IL1RAPL1: variants seen among roughly 807,000 people sequenced by gnomAD.
IL1RAPL1 encodes interleukin-1 receptor accessory protein-like 1.
IL1RAPL1 carries 3 observed loss-of-function variants against 48.4 expected under a neutral mutation model. That is an observed-to-expected ratio of 0.06 (90% CI 0.03 to 0.16). IL1RAPL1 has a LOEUF of 0.16. Ranked by LOEUF, IL1RAPL1 falls within the 10% of genes least tolerant of loss-of-function variation. IL1RAPL1 has a pLI of 1.00. For missense variants in IL1RAPL1, 349 were observed against 530.6 expected, an observed-to-expected ratio of 0.66 and a Z score of 3.36; for synonymous variants, 185 against 187.7, an observed-to-expected ratio of 0.99 and a Z score of 0.12.
At chrX:28,744,177 T>C (rs950293085) in intron 1 of IL1RAPL1, among the ~76,000 whole-genome samples, 1 of 111,469 alleles carries the variant, frequency 9.0e-6, no homozygotes, top group Non-Finnish European at 1.9e-5. Flanking sequence ...ATGCTATACG[T>C]TCCTGAAGGG....
chrX:28,721,538 A>G (rs1292613414), intron 1 of IL1RAPL1, among the ~76,000 whole-genome samples: 23 of 110,931 alleles, frequency 2.1e-4, no homozygotes, highest in South Asian at 3.8e-4. Context: ...CTCCCATTCT[A>G]TAGGTTGCCT....
intron 3 of IL1RAPL1, among the ~76,000 whole-genome samples, chrX:29,298,794 T>C (rs771855577): frequency 1.1e-4 from 12 of 111,659 alleles, no homozygotes; most frequent in African/African-American, 3.6e-4. Flanking sequence ...ATTGTGTCAG[T>C]GTAATTGGAA....
intron 2 of IL1RAPL1, among the ~76,000 whole-genome samples, chrX:29,131,453 T>C (rs1395299808): frequency 9.0e-6 from 1 of 110,522 alleles, no homozygotes; most frequent in African/African-American, 3.3e-5. Flanking sequence ...TTGGCTCTTG[T>C]TCTCATTAAT....
At chrX:29,378,044 G>GTT (rs201446497) in intron 3 of IL1RAPL1, among the ~76,000 whole-genome samples, 9 of 85,679 alleles carry the variant, frequency 1.1e-4, no homozygotes, top group African/African-American at 3.3e-4. Flanking sequence ...TTTCTTTGAG[G>GTT]TTTTTTTTTT....
chrX:28,851,575 T>G, intron 2 of IL1RAPL1, among the ~76,000 whole-genome samples: 1 of 111,938 alleles, frequency 8.9e-6, no homozygotes, highest in Admixed American at 9.5e-5. Context: ...CAACTTTAAA[T>G]CTGGAGAATC....
chrX:28,831,896 T>C (rs1316360724), intron 2 of IL1RAPL1, among the ~76,000 whole-genome samples: 1 of 111,571 alleles, frequency 9.0e-6, no homozygotes, highest in Non-Finnish European at 1.9e-5. Context: ...TTAAAAAAGC[T>C]ATTAATGGTT....
chrX:29,040,932 G>A (rs1323494929), intron 2 of IL1RAPL1, among the ~76,000 whole-genome samples: 2 of 112,331 alleles, frequency 1.8e-5, no homozygotes, highest in African/African-American at 6.5e-5. Context: ...TGAAAATAAA[G>A]AGGACATTTT....
intron 6 of IL1RAPL1, among the ~76,000 whole-genome samples, chrX:29,827,307 T>C (rs925702472): frequency 1.8e-5 from 2 of 112,535 alleles, no homozygotes; most frequent in African/African-American, 6.5e-5. Context: ...ACTTTAGACA[T>C]TGAATATAAA....
At chrX:29,403,860 A>C (rs1027614754) in intron 5 of IL1RAPL1, among the ~76,000 whole-genome samples, 6 of 112,217 alleles carry the variant, frequency 5.3e-5, no homozygotes. Context: ...ACCTGTGCCC[A>C]TGTGGGAAAC....
chrX:29,173,270 AT>A (rs1179488611), intron 2 of IL1RAPL1, among the ~76,000 whole-genome samples: 52 of 112,264 alleles, frequency 4.6e-4, no homozygotes, highest in African/African-American at 1.5e-3. Flanking sequence ...TAATAAAAAA[AT>A]AAACACTTAA....
chrX:29,919,562 A>T (rs963690482), intron 7 of IL1RAPL1, among the ~76,000 whole-genome samples: 16 of 112,606 alleles, frequency 1.4e-4, no homozygotes, highest in African/African-American at 5.2e-4. Context: ...TTTCTTTTTT[A>T]AAAAATTAAC....
At chrX:28,806,702 G>A (rs778567048) in intron 2 of IL1RAPL1, among the ~76,000 whole-genome samples, 2 of 111,673 alleles carry the variant, frequency 1.8e-5, no homozygotes, top group Admixed American at 9.5e-5. Context: ...GCTCCGTGAT[G>A]AACAGTGATG....
chrX:29,523,616 T>C (rs73450661), intron 5 of IL1RAPL1, among the ~76,000 whole-genome samples: 1,123 of 111,764 alleles, frequency 0.01, 13 homozygotes, highest in African/African-American at 0.035. Flanking sequence ...AGGTTGCACT[T>C]TTTCTAGGTG....
chrX:28,669,457 A>G (rs1471150830), intron 1 of IL1RAPL1, among the ~76,000 whole-genome samples: 1 of 108,253 alleles, frequency 9.2e-6, no homozygotes, highest in Non-Finnish European at 1.9e-5. Context: ...TGTTTCTACT[A>G]AAAATAAAAA....
At chrX:28,743,438 C>A (rs995507571) in intron 1 of IL1RAPL1, among the ~76,000 whole-genome samples, 1 of 111,212 alleles carries the variant, frequency 9.0e-6, no homozygotes, top group African/African-American at 3.3e-5. Context: ...AAAGCTAAGC[C>A]CTATGTCTTA....
intron 5 of IL1RAPL1, among the ~76,000 whole-genome samples, chrX:29,402,040 C>T (rs1934000135): frequency 9.0e-6 from 1 of 111,027 alleles, no homozygotes. Flanking sequence ...ATTATAGGCC[C>T]GTGCCACCAT....
chrX:29,203,160 A>C (rs904005198), intron 2 of IL1RAPL1, among the ~76,000 whole-genome samples: 1 of 111,376 alleles, frequency 9.0e-6, no homozygotes, highest in African/African-American at 3.3e-5. Context: ...GAAGGAGGGA[A>C]ATTTGTCCAA....
chrX:28,949,216 T>G (rs1924384899), intron 2 of IL1RAPL1, among the ~76,000 whole-genome samples: 1 of 111,136 alleles, frequency 9.0e-6, no homozygotes, highest in Admixed American at 9.6e-5. Flanking sequence ...CATCTTGCTG[T>G]ATGAAAATTC....
intron 5 of IL1RAPL1, among the ~76,000 whole-genome samples, chrX:29,429,800 G>A (rs1463642441): frequency 9.1e-6 from 1 of 110,134 alleles, no homozygotes; most frequent in East Asian, 2.8e-4. Flanking sequence ...TGTAGGTGGT[G>A]CTCAGAAATA....
Sources: allele counts gnomAD v4.1 joint callset (sites outside exome capture counted in the v4.1 genomes callset), GRCh38; gene constraint gnomAD v4.1.1; transcripts MANE v1.5; gene names NCBI Gene and HGNC (gene_info 2026-07-23, HGNC 2026-07-21).